The following KCND3 variants were observed in gnomAD, a reference collection of about 807,000 sequenced individuals.
The protein encoded by KCND3 is A-type voltage-gated potassium channel KCND3.
In KCND3, 9 loss-of-function variants were observed where a neutral mutation model predicts 51.1. The ratio of observed to expected loss-of-function variants is 0.18; its 90% CI spans 0.11 to 0.31. The LOEUF is 0.31. KCND3 is among the 10% of genes least tolerant of loss of function. The pLI is 1.00. For synonymous variants in KCND3, 349 were observed against 368.0 expected, an observed-to-expected ratio of 0.95 and a Z score of 0.59; for missense variants, 526 against 903.8, an observed-to-expected ratio of 0.58 and a Z score of 5.36.
chr1:111,889,950 G>C (rs1669753122), intron 2 of KCND3, among the ~76,000 whole-genome samples: 1 of 152,160 alleles, frequency 6.6e-6, no homozygotes, highest in South Asian at 2.1e-4. Flanking sequence ...AAAATGTCCT[G>C]AGGTGGAAGC....
intron 3 of KCND3, among the ~76,000 whole-genome samples, chr1:111,781,468 T>A (rs180887854): frequency 2.4e-4 from 37 of 152,356 alleles, no homozygotes; most frequent in Admixed American, 7.2e-4. Context: ...TTAAAGTTAA[T>A]AAACACATTT....
At position 111,911,355 on chromosome 1, in the gene KCND3, G is replaced by A. The variant is rs1416606650; in HGVS notation, c.1106+70266C>T. Among the ~76,000 whole-genome samples, 4 of 152,196 alleles carry A rather than the reference G, an allele frequency of 2.6e-5. No individual in the cohort carries two copies. In the East Asian group the frequency reaches 7.7e-4, roughly 29 times the overall value. ...ACACAGGGGTGTCTGCAAGGTACAC[G>A]GAGGAGTAGGTAAAAAAGTATTTGT... On this transcript the variant is annotated intron_variant, in intron 2 of 7. Coordinates refer to ENST00000302127, the MANE Select transcript of KCND3 (RefSeq NM_001378969.1).
chr1:111,818,010 T>C (rs570968234), intron 2 of KCND3, among the ~76,000 whole-genome samples: 27 of 151,602 alleles, frequency 1.8e-4, no homozygotes, highest in South Asian at 6.2e-4. Context: ...TAATACCAGG[T>C]GTGAGCTGTT....
At chr1:111,896,154 G>T (rs1670102180) in intron 2 of KCND3, among the ~76,000 whole-genome samples, 1 of 152,204 alleles carries the variant, frequency 6.6e-6, no homozygotes, top group Non-Finnish European at 1.5e-5. Context: ...GCTCGGAAGC[G>T]GAGGGACCTC....
intron 2 of KCND3, among the ~76,000 whole-genome samples, chr1:111,871,827 G>T (rs1247127026): frequency 6.6e-6 from 1 of 152,170 alleles, no homozygotes; most frequent in African/African-American, 2.4e-5. Context: ...CAGAATGGCA[G>T]GAAGACAGCA....
intron 2 of KCND3, among the ~76,000 whole-genome samples, chr1:111,825,127 G>A (rs985896188): frequency 5.3e-5 from 8 of 152,182 alleles, no homozygotes; most frequent in Non-Finnish European, 1.0e-4. Flanking sequence ...ATAATTCCAT[G>A]TCCATACACC....
At chr1:111,815,525 G>T (rs1666046762) in intron 2 of KCND3, among the ~76,000 whole-genome samples, 1 of 149,810 alleles carries the variant, frequency 6.7e-6, no homozygotes, top group South Asian at 2.2e-4. Context: ...CCATCCCCCA[G>T]TTGATATCTA....
At chr1:111,907,416 T>G (rs761976203) in intron 2 of KCND3, among the ~76,000 whole-genome samples, 4 of 152,236 alleles carry the variant, frequency 2.6e-5, no homozygotes, top group Non-Finnish European at 5.9e-5. Flanking sequence ...GGCCTCTGTC[T>G]CTCAGATCAA....
intron 2 of KCND3, among the ~76,000 whole-genome samples, chr1:111,976,932 T>C (rs895383331): frequency 9.9e-5 from 15 of 152,262 alleles, no homozygotes; most frequent in African/African-American, 3.4e-4. Context: ...AAGCACTCAA[T>C]AAGTGTTGAA....
At chr1:111,944,188 C>T (rs895538089) in intron 2 of KCND3, among the ~76,000 whole-genome samples, 4 of 152,292 alleles carry the variant, frequency 2.6e-5, no homozygotes, top group Admixed American at 2.0e-4. Context: ...GAAGCCCAGG[C>T]CCCTCTGTCC....
At chr1:111,884,683 A>T (rs773194644) in intron 2 of KCND3, among the ~76,000 whole-genome samples, 1 of 152,228 alleles carries the variant, frequency 6.6e-6, no homozygotes, top group African/African-American at 2.4e-5. Flanking sequence ...CAATCAGAAG[A>T]TGTTTTCATT....
At chr1:111,938,080 G>A (rs1183887872) in intron 2 of KCND3, among the ~76,000 whole-genome samples, 2 of 152,176 alleles carry the variant, frequency 1.3e-5, no homozygotes, top group African/African-American at 4.8e-5. Context: ...TTTCACTGCA[G>A]CCAAACAGGT....
At chr1:111,802,422 G>A (rs1335335032) in intron 2 of KCND3, among the ~76,000 whole-genome samples, 1 of 152,240 alleles carries the variant, frequency 6.6e-6, no homozygotes, top group Non-Finnish European at 1.5e-5. Context: ...TGCAAAGAAC[G>A]TAGGCCTTGG....
chr1:111,903,071 A>G (rs1474424562), intron 2 of KCND3, among the ~76,000 whole-genome samples: 1 of 152,172 alleles, frequency 6.6e-6, no homozygotes, highest in African/African-American at 2.4e-5. Flanking sequence ...CTTTCATCCA[A>G]TATGCTTTGG....
chr1:111,814,794 C>G (rs1224016823), intron 2 of KCND3, among the ~76,000 whole-genome samples: 1 of 152,182 alleles, frequency 6.6e-6, no homozygotes, highest in Admixed American at 6.5e-5. Context: ...GCCCAGCTGC[C>G]CAGATCCCAT....
At chr1:111,956,463 C>G (rs1673348242) in intron 2 of KCND3, among the ~76,000 whole-genome samples, 1 of 152,196 alleles carries the variant, frequency 6.6e-6, no homozygotes, top group Non-Finnish European at 1.5e-5. Context: ...AATTAAGTTT[C>G]TCTCAGGCTG....
intron 2 of KCND3, among the ~76,000 whole-genome samples, chr1:111,918,446 G>A (rs942748198): frequency 2.8e-4 from 43 of 152,294 alleles, no homozygotes; most frequent in African/African-American, 9.9e-4. Flanking sequence ...TTTCAGTACC[G>A]TGCTACATGC....
intron 2 of KCND3, among the ~76,000 whole-genome samples, chr1:111,916,014 A>G (rs1240299839): frequency 6.6e-6 from 1 of 152,178 alleles, no homozygotes; most frequent in Non-Finnish European, 1.5e-5. Flanking sequence ...TAATTGATAG[A>G]AAAAGTAGGC....
At position 111,920,376 on chromosome 1, in the gene KCND3, C is replaced by T. The variant is rs115924562; in HGVS notation, c.1106+61245G>A. Among the ~76,000 whole-genome samples the T allele has an allele frequency of 4.7e-3, 715 of 152,364 alleles. 2 individuals are homozygous for T. The highest frequency in any genetic ancestry group is 8.1e-3 in the Non-Finnish European group (548 of 68,038). On this transcript the variant is annotated intron_variant, in intron 2 of 7. Coordinates refer to ENST00000302127, the MANE Select transcript of KCND3 (RefSeq NM_001378969.1). Reference sequence around the variant, plus strand: ...TCACACTCCCCACACTGAAGAAACACAGTCAACAGATTCTGGTTTCCTAGA... The same window carrying T: ...TCACACTCCCCACACTGAAGAAACATAGTCAACAGATTCTGGTTTCCTAGA...
Sources: allele counts gnomAD v4.1 joint callset (sites outside exome capture counted in the v4.1 genomes callset), GRCh38; gene constraint gnomAD v4.1.1; transcripts MANE v1.5; gene names NCBI Gene and HGNC (gene_info 2026-07-23, HGNC 2026-07-21).